The following PKD1 variants were observed in gnomAD, a reference collection of about 807,000 sequenced individuals.
PKD1 encodes polycystin 1, transient receptor potential channel interacting.
A neutral mutation model predicts 361.7 loss-of-function variants in PKD1; 81 were observed. The ratio of observed to expected loss-of-function variants is 0.22; its 90% CI spans 0.19 to 0.27. PKD1 has a LOEUF of 0.27. PKD1 is among the 10% of genes least tolerant of loss of function. PKD1 has a pLI of 1.00. For missense variants in PKD1, 6,399 were observed against 6,118.3 expected, an observed-to-expected ratio of 1.05 and a Z score of -1.53; for synonymous variants, 3,615 against 2,818.3, an observed-to-expected ratio of 1.28 and a Z score of -8.95.
rs9936785 is a variant in PKD1 at position 2,105,425 on chromosome 16, T to C, written c.7913A>G (p.His2638Arg). Residue 2638 changes from histidine to arginine, a missense_variant, in exon 21 of 46, where the codon CAC becomes CGC. Physicochemically the swap from His to Arg is conservative, Grantham distance 29. Coordinates refer to ENST00000262304, the MANE Select transcript of PKD1 (RefSeq NM_001009944.3). ...GATGTTCTTGCGTATCTGGGCTCGG[T>C]GCTGCCGCTCGTGCTTGGGCTCTGC... is the stretch of plus-strand genomic sequence containing the variant. Reference protein sequence around the residue: ...VAAEPKHERQHRAQIRKNITE... With the variant: ...VAAEPKHERQRRAQIRKNITE... The C allele has an allele frequency of 0.056, 81,996 of 1,477,104 alleles. 8,441 individuals are homozygous for C. Among genetic ancestry groups the C allele is most frequent in the African/African-American group, 0.35 (23,129 of 65,448 alleles). 91.5% of individuals were successfully genotyped at this position (1,477,104 alleles called of 1,614,324 possible).
In PKD1 at chr16:2,090,955, C is replaced by A; in HGVS notation, c.11932G>T (p.Asp3978Tyr). Residue 3978 changes from aspartate to tyrosine, a missense_variant, in exon 43 of 46, where the codon GAC becomes TAC. Coordinates refer to ENST00000262304, the MANE Select transcript of PKD1 (RefSeq NM_001009944.3). ...GCGGAGCTCAGCTGCGCCACCTGGT[C>A]GAAGCTAGTGAAGCGGCGCGGGCGG... is the stretch of plus-strand genomic sequence containing the variant. Reference protein sequence around the residue: ...RGRPRRFTSFDQVAQLSSAAR... With the variant: ...RGRPRRFTSFYQVAQLSSAAR... The A allele has an allele frequency of 6.4e-7, 1 of 1,560,996 alleles. No individual in the cohort carries two copies. Among genetic ancestry groups the A allele is most frequent in the East Asian group, 2.3e-5 (1 of 42,704 alleles).
intron 12 of PKD1, 40 bp downstream of exon 12, chr16:2,113,121 C>T (rs762156901): frequency 1.0e-5 from 6 of 597,922 alleles, no homozygotes; most frequent in South Asian, 7.9e-5. Context: ...CCCGCCCTGC[C>T]CCGCCCCATC....
intron 1 of PKD1, among the ~76,000 whole-genome samples, chr16:2,121,874 C>A (rs1344426784): frequency 3.3e-5 from 5 of 152,242 alleles, no homozygotes; most frequent in African/African-American, 1.2e-4. Flanking sequence ...GCAGGTGCCT[C>A]CGCCTAGACT....
intron 1 of PKD1, 141 bp from the exon 2 acceptor site, chr16:2,119,519 G>A (rs1313611435): frequency 1.4e-6 from 1 of 707,872 alleles, no homozygotes. Flanking sequence ...GTCAGGAGGG[G>A]ACTTTCTGAT....
At chr16:2,101,938 C>T in intron 26 of PKD1, 123 bp downstream of exon 26, 1 of 697,098 alleles carries the variant, frequency 1.4e-6, no homozygotes, top group Admixed American at 2.0e-5. Flanking sequence ...CACACGAGCC[C>T]TTCACACAGC....
chr16:2,114,194 G>A lies in PKD1; in HGVS notation c.2829C>T (p.Ala943=), dbSNP rs138451801. 6.2e-6 allele frequency: 10 copies of A among 1,608,364 alleles called. No homozygotes were observed. In the South Asian group the frequency reaches 9.9e-5, roughly 16 times the overall value. Residue 943 remains alanine (A), a synonymous_variant, in exon 11 of 46, where the codon GCC becomes GCT. Transcript: ENST00000262304. The part of the protein sequence containing the change: ...CGLRATPSPE[A]RVLQGVLVRY... ...CCACTAGGACTCCCTGCAGTACACG[G>A]GCCTCGGGGCTGGGCGTGGCGCGGA... is the stretch of plus-strand genomic sequence containing the variant.
chr16:2,094,596 G>A, intron 34 of PKD1: 2 of 335,176 alleles, frequency 6.0e-6, no homozygotes, highest in Non-Finnish European at 1.1e-5. Context: ...AGAGACGCCA[G>A]TGTGTCTGTC....
chr16:2,112,177 G>C (rs931249414), intron 14 of PKD1, among the ~76,000 whole-genome samples, 163 bp downstream of exon 14: 2 of 152,208 alleles, frequency 1.3e-5, no homozygotes, highest in Admixed American at 6.5e-5. Context: ...CTCCCCCCAC[G>C]CCTGGCCCCT....
intron 15 of PKD1, 30 bp from the exon 16 acceptor site, chr16:2,108,062 C>T (rs1174089064): frequency 1.3e-6 from 2 of 1,583,772 alleles, no homozygotes; most frequent in Non-Finnish European, 1.7e-6. Context: ...GGCGACGTGG[C>T]CTGAGAGCCC....
chr16:2,121,596 C>T (rs1057499293), intron 1 of PKD1, among the ~76,000 whole-genome samples: 2 of 152,096 alleles, frequency 1.3e-5, no homozygotes, highest in Admixed American at 6.5e-5. Context: ...AAACCAGGTC[C>T]TGGAGCTGGT....
intron 24 of PKD1, 21 bp downstream of exon 24, chr16:2,102,774 TGCCCTGCCCTGCCCTGCCA>T: frequency 6.2e-7 from 1 of 1,606,106 alleles, no homozygotes; most frequent in Non-Finnish European, 8.5e-7. Flanking sequence ...TGACCCATGA[TGCCCTGCCCTGCCCTGCCA>T]GGCTGGCCCG....
In PKD1 at chr16:2,091,136, G is replaced by A. The variant is rs756473723; in HGVS notation, c.11751C>T (p.Ala3917=). 3.1e-5 allele frequency: 46 copies of A among 1,482,920 alleles called. 1 individual carries two copies. The highest frequency in any genetic ancestry group is 2.4e-4 in the Middle Eastern group (1 of 4,196). 91.9% of individuals were successfully genotyped at this position (1,482,920 alleles called of 1,614,324 possible). A position where few individuals can be genotyped will look rare whatever the true frequency, so the allele number is the denominator to read the frequency against. The change falls in exon 43 of 46, where the codon GCC becomes GCT. Residue 3917 remains alanine, a synonymous_variant. Transcript: ENST00000262304. ...CTTCCCTGTGCCAAGTACGGGCCTCGGCCACGGCGAAGTGCACGGCGAACA... is the reference window on the plus strand; with the variant it reads ...CTTCCCTGTGCCAAGTACGGGCCTCAGCCACGGCGAAGTGCACGGCGAACA... ...LLLFAVHFAV[A]EARTWHREGR...
chr16:2,124,396 A>G (rs1396153658), intron 1 of PKD1, among the ~76,000 whole-genome samples: 7 of 152,192 alleles, frequency 4.6e-5, no homozygotes, highest in African/African-American at 1.7e-4. Flanking sequence ...CTCTGCCCAC[A>G]GTTGGCGCGA....
chr16:2,103,928 G>A lies in PKD1; in HGVS notation c.8162-33C>T, dbSNP rs781027842. On this transcript the variant is annotated intron_variant, in intron 22 of 45. Coordinates refer to ENST00000262304, the MANE Select transcript of PKD1 (RefSeq NM_001009944.3). ...CATGCGTGAGGTCAGTGCAGAGACA[G>A]GGAGGTAGAGGGAGGGTGGGGGCAG... 2.0e-6 allele frequency: 3 copies of A among 1,469,544 alleles called. No individual in the cohort carries two copies. In the South Asian group the frequency reaches 3.6e-5, roughly 18 times the overall value. The allele number at this position is 1,469,544 out of a possible 1,614,324, so 91.0% of individuals were successfully genotyped here.
chr16:2,129,348 GCTGGCCTCAAACTC>G (rs911904807), intron 1 of PKD1, among the ~76,000 whole-genome samples: 1 of 150,392 alleles, frequency 6.6e-6, no homozygotes, highest in Non-Finnish European at 1.5e-5. Flanking sequence ...TGTTGCCCAG[GCTGGCCTCAAACTC>G]CTGGCCTCAA....
At position 2,109,994 on chromosome 16, in the gene PKD1, C is replaced by A; in HGVS notation, c.5173G>T (p.Ala1725Ser). ...VEPVGWLMVA[A>S]SPNPAAVNTS... ...TTGACGGCAGCTGGGTTCGGGGAGG[C>A]GGCCACCATCAGCCACCCCACAGGC... Residue 1725 changes from alanine to serine, a missense_variant, in exon 15 of 46, where the codon GCC (alanine) becomes TCC (serine). By Grantham distance (99) the Ala-to-Ser change is moderately conservative (BLOSUM62 1). Transcript: ENST00000262304. 1 of 1,609,782 alleles carries A rather than the reference C, an allele frequency of 6.2e-7. No individual in the cohort carries two copies. The highest frequency in any genetic ancestry group is 8.5e-7 in the Non-Finnish European group (1 of 1,179,328).
rs542442431 is a variant in PKD1 at position 2,109,314 on chromosome 16, C to T, written c.5853G>A (p.Arg1951=). 1 of 1,587,268 alleles carries T rather than the reference C, an allele frequency of 6.3e-7. No individual in the cohort carries two copies. The highest frequency in any genetic ancestry group is 8.5e-7 in the Non-Finnish European group (1 of 1,170,290). The change falls in exon 15 of 46, where the codon CGG becomes CGA. Residue 1951 remains arginine (R), a synonymous_variant. Transcript: ENST00000262304. ...PRVGDHVVSV[R]GKNHVSWAQA... is the part of the protein sequence containing the mutation. ...GGGCCCAGCTCACGTGGTTTTTGCC[C>T]CGCACGCTCACCACGTGGTCTCCGA...
chr16:2,105,886 G>T lies in PKD1; in HGVS notation c.7842C>A (p.Ala2614=), dbSNP rs1363290173. The change falls in exon 20 of 46, where the codon GCC becomes GCA. Residue 2614 remains alanine, a synonymous_variant. Transcript: ENST00000262304. ...DPQHVIEYSL[A]LVTVLNEYER... Reference sequence around the variant, plus strand: ...TCACCTCGTTCAGCACGGTGACCAGGGCCAACGAGTACTCGATGACGTGCT... The same window carrying T: ...TCACCTCGTTCAGCACGGTGACCAGTGCCAACGAGTACTCGATGACGTGCT... 3 of 1,596,252 alleles carry T rather than the reference G, an allele frequency of 1.9e-6. No homozygotes were observed. The highest frequency in any genetic ancestry group is 2.5e-6 in the Non-Finnish European group (3 of 1,179,640).
At position 2,103,614 on chromosome 16, in the gene PKD1, C is replaced by T. The variant is rs1267161804; in HGVS notation, c.8443G>A (p.Ala2815Thr). The T allele has an allele frequency of 1.9e-6, 3 of 1,610,482 alleles. No individual in the cohort carries two copies. The South Asian group carries it at 3.3e-5, about 18-fold the overall frequency. The change falls in exon 23 of 46, where the codon GCC becomes ACC. Residue 2815 changes from alanine (A) to threonine (T), a missense_variant. Coordinates refer to ENST00000262304, the MANE Select transcript of PKD1 (RefSeq NM_001009944.3). ...HFSIPEAFSGALANLSDVVQL... is the reference protein window; with the variant it reads ...HFSIPEAFSGTLANLSDVVQL... ...ACCACGTCACTGAGGTTGGCCAGGGCCCCGCTGAAAGCCTCGGGGATGGAG... is the reference window on the plus strand; with the variant it reads ...ACCACGTCACTGAGGTTGGCCAGGGTCCCGCTGAAAGCCTCGGGGATGGAG...
Sources: allele counts gnomAD v4.1 joint callset (sites outside exome capture counted in the v4.1 genomes callset), GRCh38; gene constraint gnomAD v4.1.1; transcripts MANE v1.5; gene names NCBI Gene and HGNC (gene_info 2026-07-23, HGNC 2026-07-21).